The following AEBP2 variants were observed in gnomAD, a reference collection of about 807,000 sequenced individuals.
AEBP2 encodes the protein AE binding protein 2.
A neutral mutation model predicts 50.8 loss-of-function variants in AEBP2; 10 were observed. That is an observed-to-expected ratio of 0.20 (90% CI 0.12 to 0.33). The LOEUF (loss-of-function observed/expected upper bound fraction) is 0.33. AEBP2 is among the 10% of genes least tolerant of loss of function. The pLI is 1.00. For missense variants in AEBP2, 570 were observed against 688.0 expected (o/e 0.83, Z 1.92); for synonymous variants, 296 against 261.3 (o/e 1.13, Z -1.28).
chr12:19,459,960 G>T (rs1209987584), intron 1 of AEBP2, among the ~76,000 whole-genome samples: 1 of 152,170 alleles, frequency 6.6e-6, no homozygotes, highest in East Asian at 1.9e-4. Flanking sequence ...AGTGGCTAAT[G>T]CCTGTAGTCC....
At chr12:19,473,146 T>C (rs1948595076) in intron 2 of AEBP2, 102 bp from the exon 3 acceptor site, 2 of 431,784 alleles carry the variant, frequency 4.6e-6, no homozygotes, top group East Asian at 9.2e-5. Context: ...CAGTAGCTCT[T>C]GTCAGTTGAA....
chr12:19,451,034 A>AT (rs914166722), intron 1 of AEBP2, among the ~76,000 whole-genome samples: 1 of 152,040 alleles, frequency 6.6e-6, no homozygotes, highest in Non-Finnish European at 1.5e-5. Flanking sequence ...CTATGGGCAA[A>AT]TCTTAATTTA....
At position 19,486,945 on chromosome 12, in the gene AEBP2, G is replaced by A. The variant is rs566234339; in HGVS notation, c.988-6855G>A. ...GGTGCTGGGATTACAGGCATCTACC[G>A]ATCCTTTTAATTTTGGCCATTCTAG... On this transcript the variant is annotated intron_variant, in intron 3 of 7. Transcript: ENST00000266508. Among the ~76,000 whole-genome samples, 4 of 151,988 alleles carry A rather than the reference G, an allele frequency of 2.6e-5. No homozygotes were observed. In the East Asian group the frequency reaches 7.7e-4, roughly 29 times the overall value.
intron 1 of AEBP2, chr12:19,457,733 T>G (rs1019609794): frequency 1.3e-6 from 1 of 769,790 alleles, no homozygotes; most frequent in Non-Finnish European, 1.8e-6. Flanking sequence ...GTCAGAGAGA[T>G]CTTTTCGGTT....
intron 5 of AEBP2, among the ~76,000 whole-genome samples, chr12:19,510,370 A>G (rs116706845): frequency 4.6e-5 from 7 of 152,294 alleles, no homozygotes; most frequent in African/African-American, 1.2e-4. Context: ...GGGAGGGGCA[A>G]CGCAGAAAAG....
chr12:19,479,570 T>A (rs1269839439), intron 3 of AEBP2, among the ~76,000 whole-genome samples: 1 of 152,086 alleles, frequency 6.6e-6, no homozygotes, highest in Non-Finnish European at 1.5e-5. Flanking sequence ...TTTTACTGTG[T>A]TTATTGTGTT....
At chr12:19,452,961 CTTTT>C (rs34876719) in intron 1 of AEBP2, among the ~76,000 whole-genome samples, 3 of 106,900 alleles carry the variant, frequency 2.8e-5, no homozygotes, top group East Asian at 2.7e-4. Flanking sequence ...GACTTACGTT[CTTTT>C]TTTTTTTTTT....
intron 1 of AEBP2, among the ~76,000 whole-genome samples, chr12:19,442,301 G>T (rs1336746470): frequency 6.6e-6 from 1 of 152,092 alleles, no homozygotes; most frequent in Non-Finnish European, 1.5e-5. Context: ...CCAGCTACTC[G>T]GGAGGCTGAG....
Position 19,466,537 on chromosome 12 carries a change from G to A in AEBP2, c.879+3820G>A, listed in dbSNP as rs548806901. 9.9e-5 allele frequency among the ~76,000 whole-genome samples: 15 copies of A among 152,278 alleles called. 1 individual carries two copies. In the South Asian group the frequency reaches 3.1e-3, roughly 32 times the overall value. On this transcript the variant is annotated intron_variant, in intron 2 of 7. Coordinates refer to ENST00000266508, the MANE Select transcript of AEBP2 (RefSeq NM_153207.5). ...ATTGTGTAATCGCCACCCGCTCTCTGTCTCCAGAACTTGTAAATTATCATC... is the reference window on the plus strand; with the variant it reads ...ATTGTGTAATCGCCACCCGCTCTCTATCTCCAGAACTTGTAAATTATCATC...
intron 3 of AEBP2, among the ~76,000 whole-genome samples, chr12:19,491,126 G>C (rs1199067099): frequency 6.6e-6 from 1 of 152,234 alleles, no homozygotes; most frequent in African/African-American, 2.4e-5. Flanking sequence ...AGGTAGTTCT[G>C]TGGCAACGTG....
intron 2 of AEBP2, among the ~76,000 whole-genome samples, chr12:19,465,042 C>T (rs1426341329): frequency 6.6e-6 from 1 of 151,994 alleles, no homozygotes; most frequent in Admixed American, 6.6e-5. Context: ...ATTTCTTGAA[C>T]CCTTATTCAA....
chr12:19,451,285 T>C (rs1948162660), intron 1 of AEBP2, among the ~76,000 whole-genome samples: 1 of 152,200 alleles, frequency 6.6e-6, no homozygotes, highest in Non-Finnish European at 1.5e-5. Context: ...GACTGGGGAC[T>C]GGAATCAGAA....
intron 1 of AEBP2, among the ~76,000 whole-genome samples, chr12:19,411,803 A>C (rs1447684163): frequency 6.6e-6 from 1 of 152,242 alleles, no homozygotes; most frequent in Non-Finnish European, 1.5e-5. Flanking sequence ...GAAAGAAAAC[A>C]CTTGACATAG....
chr12:19,457,710 G>A, intron 1 of AEBP2: 1 of 1,036,086 alleles, frequency 9.7e-7, no homozygotes, highest in Non-Finnish European at 1.3e-6. Context: ...ATTGTGAAAA[G>A]AAAAAAAAGC....
At chr12:19,501,821 T>C (rs1444723702) in intron 5 of AEBP2, among the ~76,000 whole-genome samples, 2 of 146,154 alleles carry the variant, frequency 1.4e-5, no homozygotes, top group Admixed American at 7.0e-5. Context: ...TTTTTTTGCA[T>C]TTTCATGTTT....
chr12:19,514,819 G>T, intron 7 of AEBP2, 35 bp downstream of exon 7: 1 of 1,512,734 alleles, frequency 6.6e-7, no homozygotes, highest in South Asian at 1.2e-5. Flanking sequence ...TTTACTTTTT[G>T]ATTTGTAATT....
rs541049214 is a variant in AEBP2, at chr12:19,439,521, G to T, written c.-179G>T. ...TCCGTGTGAGTGCGCGTAGTCGCGC[G>T]CCTGTCCCCGCGCGGGCTCCGTAGC... On this transcript the variant is annotated 5_prime_UTR_variant, in exon 1 of 8. Transcript: ENST00000266508. Among the ~76,000 whole-genome samples the T allele has an allele frequency of 1.1e-3, 161 of 152,186 alleles. No individual in the cohort carries two copies. The highest frequency in any genetic ancestry group is 3.8e-3 in the African/African-American group (157 of 41,550).
intron 2 of AEBP2, among the ~76,000 whole-genome samples, chr12:19,468,444 T>A (rs1948520220): frequency 6.6e-6 from 1 of 152,220 alleles, no homozygotes; most frequent in African/African-American, 2.4e-5. Flanking sequence ...TTTGGCTGAT[T>A]TTAATTTACT....
chr12:19,504,610 T>C (rs1949128761), intron 5 of AEBP2, among the ~76,000 whole-genome samples: 2 of 152,088 alleles, frequency 1.3e-5, no homozygotes, highest in African/African-American at 4.8e-5. Context: ...GATTCCAGGA[T>C]GAGAACTCTT....
Sources: gnomAD v4.1 joint callset for allele counts (sites outside exome capture counted in the v4.1 genomes callset) on GRCh38, gnomAD v4.1.1 for gene constraint, MANE v1.5 for transcripts, NCBI Gene and HGNC (gene_info 2026-07-23, HGNC 2026-07-21) for gene names.